Variants in PDE8A observed in about 807,000 individuals in gnomAD.
PDE8A encodes the protein high affinity cAMP-specific and IBMX-insensitive 3',5'-cyclic phosphodiesterase 8A.
Under a neutral mutation model 105.0 loss-of-function variants are expected in PDE8A, and 59 were observed. That is an observed-to-expected ratio of 0.56 (90% CI 0.46 to 0.70). PDE8A has a LOEUF of 0.70. Ranked by LOEUF, PDE8A falls within the 30% of genes least tolerant of loss-of-function variation. The probability of loss-of-function intolerance (pLI) is 0.00; values close to 1 mark genes in which losing one functional copy is unlikely to be tolerated. For missense variants in PDE8A, 1,014 were observed against 1,045.9 expected (o/e 0.97, Z 0.42); for synonymous variants, 355 against 371.9 (o/e 0.95, Z 0.52).
intron 2 of PDE8A, among the ~76,000 whole-genome samples, chr15:85,064,725 A>G (rs2081194811): frequency 6.6e-6 from 1 of 152,156 alleles, no homozygotes; most frequent in Admixed American, 6.5e-5. Context: ...AGGCTGAGGC[A>G]GTAGGATCTC....
intron 13 of PDE8A, 27 bp downstream of exon 13, chr15:85,113,474 T>C (rs1373988012): frequency 6.4e-7 from 1 of 1,567,554 alleles, no homozygotes; most frequent in Non-Finnish European, 8.8e-7. Flanking sequence ...TCTGTCTCCA[T>C]TGAGCACACA....
chr15:85,094,929 T>C (rs2081717432), intron 8 of PDE8A, among the ~76,000 whole-genome samples: 1 of 152,218 alleles, frequency 6.6e-6, no homozygotes, highest in South Asian at 2.1e-4. Flanking sequence ...AGTCCTCAGC[T>C]TGGCTGCCAG....
intron 1 of PDE8A, among the ~76,000 whole-genome samples, chr15:85,017,177 C>T (rs934003155): frequency 6.6e-6 from 1 of 151,254 alleles, no homozygotes; most frequent in East Asian, 1.9e-4. Context: ...AGGAGAATGG[C>T]GTGAACCCGG....
chr15:85,101,950 G>A (rs1596521075), intron 11 of PDE8A, among the ~76,000 whole-genome samples: 1 of 152,328 alleles, frequency 6.6e-6, no homozygotes, highest in Middle Eastern at 3.4e-3. Flanking sequence ...TTATTCTACA[G>A]ATTTCTGTTG....
At chr15:85,099,860 A>T (rs1241148595) in intron 9 of PDE8A, 155 bp from the exon 10 acceptor site, 1 of 652,552 alleles carries the variant, frequency 1.5e-6, no homozygotes, top group Non-Finnish European at 2.7e-6. Context: ...TCTCTTCTTT[A>T]TTTATTGGTG....
intron 1 of PDE8A, among the ~76,000 whole-genome samples, chr15:85,048,528 C>CCATACT (rs1018743322): frequency 2.6e-5 from 4 of 152,134 alleles, no homozygotes; most frequent in African/African-American, 9.7e-5. Context: ...AAACTGTGCC[C>CCATACT]CATACTGTAG....
Position 84,982,304 on chromosome 15 carries a change from G to T in PDE8A, c.142G>T (p.Ala48Ser), listed in dbSNP as rs1379724015. The T allele has an allele frequency of 5.1e-6, 7 of 1,369,224 alleles. No homozygotes were observed. The East Asian group carries it at 2.1e-4, about 41-fold the overall frequency. The allele number at this position is 1,369,224 out of a possible 1,614,324, so 84.8% of individuals were successfully genotyped here. Residue 48 changes from alanine to serine, a missense_variant, in exon 1 of 22, where the codon GCC becomes TCC. By Grantham distance (99) the Ala-to-Ser change is moderately conservative. Coordinates refer to ENST00000394553, the MANE Select transcript of PDE8A (RefSeq NM_002605.3). ...KTAALPRTRG[A>S]GLLESELRDG... is the part of the protein sequence containing the mutation. Reference sequence around the variant, plus strand: ...GGCCGCCTTGCCCCGGACCCGCGGCGCCGGCCTCTTGGAGTCGGAGCTTCG... The same window carrying T: ...GGCCGCCTTGCCCCGGACCCGCGGCTCCGGCCTCTTGGAGTCGGAGCTTCG...
chr15:85,012,617 G>A (rs968596742), intron 1 of PDE8A, among the ~76,000 whole-genome samples: 3 of 151,258 alleles, frequency 2.0e-5, no homozygotes, highest in Non-Finnish European at 2.9e-5. Context: ...GTTAATGGGT[G>A]CAGCACACCA....
At chr15:84,981,760 C>A (rs867509741), upstream of PDE8A, among the ~76,000 whole-genome samples, 1 of 151,126 alleles carries the variant, frequency 6.6e-6, no homozygotes. Flanking sequence ...GGGGTCGTGC[C>A]GCAGCTCGGC....
intron 1 of PDE8A, among the ~76,000 whole-genome samples, chr15:85,056,141 C>G (rs1418951359): frequency 6.6e-6 from 1 of 152,152 alleles, no homozygotes; most frequent in African/African-American, 2.4e-5. Flanking sequence ...TTGGCCCCCA[C>G]CCTCTTCTGG....
At chr15:85,003,027 C>T (rs1354726417) in intron 1 of PDE8A, among the ~76,000 whole-genome samples, 1 of 151,964 alleles carries the variant, frequency 6.6e-6, no homozygotes, top group Non-Finnish European at 1.5e-5. Context: ...AGTGAGATGT[C>T]ATGAATTTTT....
At position 85,083,692 on chromosome 15, in the gene PDE8A, T is replaced by C. The variant is rs756747220; in HGVS notation, c.635+48T>C. Reference sequence around the variant, plus strand: ...GCCCTCCAGGCCATACAGGGCAGCATGGCAAGTGAGAACTTTGGTTGTGGG... The same window carrying C: ...GCCCTCCAGGCCATACAGGGCAGCACGGCAAGTGAGAACTTTGGTTGTGGG... On this transcript the variant is annotated intron_variant, in intron 6 of 21. Coordinates refer to ENST00000394553, the MANE Select transcript of PDE8A (RefSeq NM_002605.3). The C allele has an allele frequency of 6.7e-6, 8 of 1,189,924 alleles. 1 individual carries two copies. In the South Asian group the frequency reaches 8.6e-5, roughly 13 times the overall value. 73.7% of individuals were successfully genotyped at this position (1,189,924 alleles called of 1,614,324 possible). A position where few individuals can be genotyped will look rare whatever the true frequency, so the allele number is the denominator to read the frequency against.
intron 1 of PDE8A, among the ~76,000 whole-genome samples, chr15:84,997,991 CTTAAT>C (rs1303367491): frequency 6.6e-6 from 1 of 152,182 alleles, no homozygotes; most frequent in Non-Finnish European, 1.5e-5. Context: ...ACTTTTAAGT[CTTAAT>C]TTCAGGTTTT....
At chr15:84,998,589 G>A (rs1011365920) in intron 1 of PDE8A, among the ~76,000 whole-genome samples, 4 of 152,108 alleles carry the variant, frequency 2.6e-5, no homozygotes, top group Admixed American at 6.5e-5. Flanking sequence ...GGTTGGAGTT[G>A]GCATGCAGTG....
At chr15:85,092,179 C>T (rs1372259322) in intron 8 of PDE8A, among the ~76,000 whole-genome samples, 1 of 152,044 alleles carries the variant, frequency 6.6e-6, no homozygotes, top group African/African-American at 2.4e-5. Flanking sequence ...TTTCCTATGC[C>T]TCTGAGCACA....
In PDE8A at chr15:84,982,333, C is replaced by G; in HGVS notation, c.171C>G (p.Asp57Glu). Reference protein sequence around the residue: ...GAGLLESELRDGSGKKVAVAD... With the variant: ...GAGLLESELREGSGKKVAVAD... ...GCCTCTTGGAGTCGGAGCTTCGCGACGGCAGCGGCAAGAAGGTAAGGGGCG... is the reference window on the plus strand; with the variant it reads ...GCCTCTTGGAGTCGGAGCTTCGCGAGGGCAGCGGCAAGAAGGTAAGGGGCG... The change falls in exon 1 of 22, where the codon GAC becomes GAG. Residue 57 changes from aspartate (D) to glutamate (E), a missense_variant. Coordinates refer to ENST00000394553, the MANE Select transcript of PDE8A (RefSeq NM_002605.3). 7.5e-7 allele frequency: 1 copy of G among 1,326,974 alleles called. No individual in the cohort carries two copies. Among genetic ancestry groups the G allele is most frequent in the Non-Finnish European group, 9.6e-7 (1 of 1,041,850 alleles). The allele number at this position is 1,326,974 out of a possible 1,614,324, so 82.2% of individuals were successfully genotyped here. A position where few individuals can be genotyped will look rare whatever the true frequency, so the allele number is the denominator to read the frequency against.
chr15:85,113,931 T>C lies in PDE8A; in HGVS notation c.1244T>C (p.Leu415Pro). The change falls in exon 14 of 22, where the codon CTA (leucine) becomes CCA (proline). Residue 415 changes from leucine to proline, a missense_variant. Leu to Pro is a moderately conservative substitution (Grantham distance 98). Coordinates refer to ENST00000394553, the MANE Select transcript of PDE8A (RefSeq NM_002605.3). The stretch of plus-strand genomic sequence containing the variant: ...AGTCCCATGCCTGTGACAGAAGCCC[T>C]AGACCGTGTGCTGGAAATTCTAAGA... ...ESSPMPVTEA[L>P]DRVLEILRTT... The C allele has an allele frequency of 6.2e-7, 1 of 1,613,514 alleles. No homozygotes were observed. Among genetic ancestry groups the C allele is most frequent in the Non-Finnish European group, 8.5e-7 (1 of 1,179,356 alleles).
chr15:85,114,165 TCTC>T (rs753935731), intron 14 of PDE8A, 128 bp downstream of exon 14: 5 of 736,806 alleles, frequency 6.8e-6, no homozygotes, highest in Non-Finnish European at 1.1e-5. Context: ...AGACCTAAAC[TCTC>T]CTCCATTGCC....
In PDE8A at chr15:85,118,626, C is replaced by T. The variant is rs191596948; in HGVS notation, c.1734+787C>T. 2.4e-3 allele frequency among the ~76,000 whole-genome samples: 363 copies of T among 152,364 alleles called. 2 individuals are homozygous for T. The highest frequency in any genetic ancestry group is 3.2e-3 in the Non-Finnish European group (217 of 68,030). On this transcript the variant is annotated intron_variant, in intron 17 of 21. Coordinates refer to ENST00000394553, the MANE Select transcript of PDE8A (RefSeq NM_002605.3). ...TAAACTCTACAGCTCTCCACACTCA[C>T]CTCAACAATGAGCTCCTCTCATCAT...
Sources: allele counts gnomAD v4.1 joint callset (sites outside exome capture counted in the v4.1 genomes callset), GRCh38; gene constraint gnomAD v4.1.1; transcripts MANE v1.5; gene names NCBI Gene and HGNC (gene_info 2026-07-23, HGNC 2026-07-21).